ZNF804B: variants seen among roughly 807,000 people sequenced by gnomAD.
ZNF804B encodes the protein zinc finger 804B.
In ZNF804B, 80 loss-of-function variants were observed where a neutral mutation model predicts 101.4. The ratio of observed to expected loss-of-function variants is 0.79; its 90% confidence interval spans 0.66 to 0.95. ZNF804B has a LOEUF of 0.95. Among genes scored for constraint, ZNF804B ranks in the 40% least tolerant of loss-of-function variants. The pLI is 0.00. For missense variants in ZNF804B, 1,673 were observed against 1,561.9 expected, an observed-to-expected ratio of 1.07 and a Z score of -1.20; for synonymous variants, 622 against 558.8, an observed-to-expected ratio of 1.11 and a Z score of -1.59.
Position 88,822,513 on chromosome 7 carries a change from G to T in ZNF804B, c.108+62429G>T, listed in dbSNP as rs1319745049. On this transcript the variant is annotated intron_variant, in intron 1 of 3. Coordinates refer to ENST00000333190, the MANE Select transcript of ZNF804B (RefSeq NM_181646.5). ...CAGCTTGGGAAAGTATGGGCAGAAA[G>T]ATAGTGAACTTTAGCATAAGAACAA... Among the ~76,000 whole-genome samples, 3 of 152,268 alleles carry T rather than the reference G, an allele frequency of 2.0e-5. No individual in the cohort carries two copies. In the South Asian group the frequency reaches 6.2e-4, roughly 32 times the overall value.
At chr7:89,297,987 T>TC (rs1455940832) in intron 2 of ZNF804B, among the ~76,000 whole-genome samples, 2 of 149,440 alleles carry the variant, frequency 1.3e-5, no homozygotes, top group African/African-American at 4.9e-5. Flanking sequence ...TACTTAATTT[T>TC]TTTTTTTTTT....
intron 1 of ZNF804B, among the ~76,000 whole-genome samples, chr7:88,917,215 A>T (rs1385671366): frequency 6.6e-6 from 1 of 152,080 alleles, no homozygotes; most frequent in Non-Finnish European, 1.5e-5. Flanking sequence ...CAGTGAGCCG[A>T]GATCGCACCA....
intron 2 of ZNF804B, among the ~76,000 whole-genome samples, chr7:89,274,994 T>C (rs140594168): frequency 6.6e-6 from 1 of 152,074 alleles, no homozygotes; most frequent in East Asian, 1.9e-4. Flanking sequence ...AACTCTCAAA[T>C]GTGTAGCTCT....
At chr7:88,836,112 T>A (rs1791212112) in intron 1 of ZNF804B, among the ~76,000 whole-genome samples, 1 of 151,976 alleles carries the variant, frequency 6.6e-6, no homozygotes, top group African/African-American at 2.4e-5. Context: ...ATCAAGGTGA[T>A]CCTTTGATCA....
chr7:88,793,963 C>G (rs1171943285), intron 1 of ZNF804B: 2 of 394,340 alleles, frequency 5.1e-6, no homozygotes, highest in African/African-American at 4.1e-5. Flanking sequence ...CTTATTAAAC[C>G]CATCTACCTA....
chr7:88,872,226 G>A (rs1391784618), intron 1 of ZNF804B, among the ~76,000 whole-genome samples: 2 of 152,120 alleles, frequency 1.3e-5, no homozygotes, highest in African/African-American at 2.4e-5. Flanking sequence ...GCACAGTTCA[G>A]TATTACACAG....
intron 1 of ZNF804B, among the ~76,000 whole-genome samples, chr7:88,910,927 T>G (rs1792540329): frequency 6.6e-6 from 1 of 152,008 alleles, no homozygotes; most frequent in South Asian, 2.1e-4. Flanking sequence ...GTTTCAAATT[T>G]AAGAGTAATA....
At chr7:89,024,473 G>C (rs569431293) in intron 1 of ZNF804B, among the ~76,000 whole-genome samples, 7 of 151,982 alleles carry the variant, frequency 4.6e-5, no homozygotes, top group African/African-American at 1.7e-4. Flanking sequence ...TGTCTCTAAG[G>C]TTCTGTTCAC....
intron 1 of ZNF804B, among the ~76,000 whole-genome samples, chr7:89,072,054 A>G (rs547067374): frequency 5.3e-5 from 8 of 152,232 alleles, no homozygotes; most frequent in African/African-American, 1.9e-4. Flanking sequence ...CAGAGTTTTG[A>G]CCTCGAAAGA....
chr7:89,086,351 A>G (rs1265902015), intron 1 of ZNF804B, among the ~76,000 whole-genome samples: 1 of 151,970 alleles, frequency 6.6e-6, no homozygotes, highest in Non-Finnish European at 1.5e-5. Flanking sequence ...TAGGTTTTGC[A>G]TATGTTCCCC....
At chr7:88,832,456 A>C (rs2115785681) in intron 1 of ZNF804B, among the ~76,000 whole-genome samples, 1 of 152,064 alleles carries the variant, frequency 6.6e-6, no homozygotes, top group South Asian at 2.1e-4. Context: ...CTTGTTCTTA[A>C]GTTTTGTGGA....
rs1263178223 is a variant in ZNF804B, at chr7:89,334,821, C to A, written c.1839C>A (p.Cys613Ter). Reference sequence around the variant, plus strand: ...CTTCAAGGGCCCATTGGCAAGGCTGCAGAAAGGCAGTTCTAAATGATATAG... The same window carrying A: ...CTTCAAGGGCCCATTGGCAAGGCTGAAGAAAGGCAGTTCTAAATGATATAG... Reference protein sequence around the residue: ...KEASRAHWQGCRKAVLNDIDE... With the variant: ...KEASRAHWQG Residue 613 changes from cysteine (C) to a stop codon, truncating the protein, a stop_gained, in exon 4 of 4, where the codon TGC becomes TGA. Coordinates refer to ENST00000333190, the MANE Select transcript of ZNF804B (RefSeq NM_181646.5). LOFTEE classifies it high-confidence loss of function. 1 of 1,613,816 alleles carries A rather than the reference C, an allele frequency of 6.2e-7. No individual in the cohort carries two copies.
intron 1 of ZNF804B, among the ~76,000 whole-genome samples, chr7:89,113,668 A>G (rs1240322837): frequency 6.6e-6 from 1 of 152,056 alleles, no homozygotes; most frequent in African/African-American, 2.4e-5. Flanking sequence ...AAGGTAAAAA[A>G]CAGGCCAGGC....
intron 1 of ZNF804B, among the ~76,000 whole-genome samples, chr7:88,820,433 C>T (rs539900628): frequency 2.0e-5 from 3 of 152,176 alleles, no homozygotes; most frequent in Non-Finnish European, 2.9e-5. Context: ...GCAGGAGAGG[C>T]AATTGCCTGC....
At chr7:89,231,270 G>C (rs1789187114) in intron 2 of ZNF804B, among the ~76,000 whole-genome samples, 1 of 151,950 alleles carries the variant, frequency 6.6e-6, no homozygotes, top group East Asian at 1.9e-4. Context: ...AAATGTATAA[G>C]TTTATTTCTA....
chr7:88,824,874 G>C (rs928425225), intron 1 of ZNF804B, among the ~76,000 whole-genome samples: 1 of 152,148 alleles, frequency 6.6e-6, no homozygotes. Flanking sequence ...GATCAAACAG[G>C]TCTATGAAGG....
intron 1 of ZNF804B, among the ~76,000 whole-genome samples, chr7:89,095,002 C>G (rs2116330459): frequency 6.6e-6 from 1 of 152,182 alleles, no homozygotes; most frequent in Admixed American, 6.5e-5. Flanking sequence ...AACATGAAAA[C>G]TCTTATAATG....
chr7:89,170,954 A>G (rs1791214817), intron 1 of ZNF804B, among the ~76,000 whole-genome samples: 1 of 152,144 alleles, frequency 6.6e-6, no homozygotes. Flanking sequence ...CAAAACAAAC[A>G]TCTCCTGGCC....
chr7:88,953,942 A>G (rs765766489), intron 1 of ZNF804B, among the ~76,000 whole-genome samples: 5 of 151,726 alleles, frequency 3.3e-5, no homozygotes, highest in African/African-American at 7.2e-5. Flanking sequence ...TGTATTATGA[A>G]TGTCACCTCT....
Sources: allele counts gnomAD v4.1 joint callset (sites outside exome capture counted in the v4.1 genomes callset), GRCh38; gene constraint gnomAD v4.1.1; transcripts MANE v1.5; gene names NCBI Gene and HGNC (gene_info 2026-07-23, HGNC 2026-07-21).